APLF: variants seen among roughly 807,000 people sequenced by gnomAD.
APLF encodes aprataxin and PNKP like factor, also known as aprataxin and PNK-like factor.
In APLF, 61 loss-of-function variants were observed where a neutral mutation model predicts 55.6. The ratio of observed to expected loss-of-function variants is 1.10; its 90% CI spans 0.89 to 1.36. The LOEUF (loss-of-function observed/expected upper bound fraction) is 1.36. Ranked by LOEUF, APLF falls within the 40% of genes most tolerant of loss-of-function variation. The probability of loss-of-function intolerance (pLI) is 0.00; values close to 1 mark genes in which losing one functional copy is unlikely to be tolerated. For synonymous variants in APLF, 207 were observed against 214.8 expected (o/e 0.96, Z 0.32); for missense variants, 611 against 602.5 (o/e 1.01, Z -0.15).
chr2:68,482,585 G>T (rs1488941200), intron 1 of APLF, among the ~76,000 whole-genome samples: 1 of 152,174 alleles, frequency 6.6e-6, no homozygotes, highest in Non-Finnish European at 1.5e-5. Context: ...CTCAGGGACT[G>T]GCTCTCTGGG....
At chr2:68,497,149 T>C (rs74505729) in intron 2 of APLF, among the ~76,000 whole-genome samples, 3,901 of 152,220 alleles carry the variant, frequency 0.026, 64 homozygotes, top group South Asian at 0.043. Context: ...GCATGGTGCC[T>C]GCATCTGCTT....
intron 8 of APLF, chr2:68,563,503 T>A (rs1671219407): frequency 2.7e-6 from 1 of 374,604 alleles, no homozygotes; most frequent in Non-Finnish European, 3.7e-6. Flanking sequence ...AACTTTTAAG[T>A]TGAACCCCAC....
chr2:68,535,070 C>T (rs1280611807), intron 6 of APLF, among the ~76,000 whole-genome samples: 1 of 152,050 alleles, frequency 6.6e-6, no homozygotes, highest in Non-Finnish European at 1.5e-5. Context: ...ATTCGAGAAC[C>T]CCTGATCCAT....
At chr2:68,562,906 G>A (rs1400464498) in intron 8 of APLF, among the ~76,000 whole-genome samples, 1 of 151,978 alleles carries the variant, frequency 6.6e-6, no homozygotes, top group African/African-American at 2.4e-5. Context: ...GATTTTGTGT[G>A]TGATAAACTA....
In APLF at chr2:68,529,102, C is replaced by G. The variant is rs1180378463; in HGVS notation, c.804+2860C>G. The G allele has an allele frequency of 2.2e-6, 3 of 1,374,636 alleles. No individual in the cohort carries two copies. The highest frequency in any genetic ancestry group is 2.9e-5 in the African/African-American group (2 of 69,770). The allele number at this position is 1,374,636 out of a possible 1,614,324, so 85.2% of individuals were successfully genotyped here. A position where few individuals can be genotyped will look rare whatever the true frequency, so the allele number is the denominator to read the frequency against. On this transcript the variant is annotated intron_variant, in intron 6 of 9. Transcript: ENST00000303795. The surrounding 1 kb of genome is among the most constrained non-coding windows in gnomAD (Gnocchi z 4.4). Reference sequence around the variant, plus strand: ...ACTTGCCTCTGAGACGAGGGATCCTCACGGGGCTGAGGTATCCAAACATCC... The same window carrying G: ...ACTTGCCTCTGAGACGAGGGATCCTGACGGGGCTGAGGTATCCAAACATCC...
At chr2:68,505,186 G>A (rs12473160) in intron 3 of APLF, among the ~76,000 whole-genome samples, 43,514 of 151,868 alleles carry the variant, frequency 0.29, 7,168 homozygotes, top group East Asian at 0.58. Flanking sequence ...TATCATACAT[G>A]TATGAAGCGT....
At chr2:68,478,585 C>T (rs1314163680) in intron 1 of APLF, among the ~76,000 whole-genome samples, 3 of 152,134 alleles carry the variant, frequency 2.0e-5, no homozygotes, top group Non-Finnish European at 4.4e-5. Flanking sequence ...TTTAAAATGT[C>T]AAGGTAACAG....
intron 8 of APLF, among the ~76,000 whole-genome samples, chr2:68,547,577 G>A (rs1412850825): frequency 6.6e-6 from 1 of 151,628 alleles, no homozygotes; most frequent in Non-Finnish European, 1.5e-5. Context: ...TTATGAAAAG[G>A]GACGTTGCAG....
At chr2:68,533,962 C>T (rs1670324533) in intron 6 of APLF, among the ~76,000 whole-genome samples, 1 of 151,890 alleles carries the variant, frequency 6.6e-6, no homozygotes, top group Non-Finnish European at 1.5e-5. Context: ...TGGAAAAGAA[C>T]AAGATAAAAG....
At chr2:68,502,143 C>T (rs1676741100) in intron 2 of APLF, among the ~76,000 whole-genome samples, 1 of 152,150 alleles carries the variant, frequency 6.6e-6, no homozygotes, top group Non-Finnish European at 1.5e-5. Flanking sequence ...TTAATCCATT[C>T]ATGAGGACAT....
chr2:68,475,789 C>G (rs1280982145), intron 1 of APLF, among the ~76,000 whole-genome samples: 2 of 151,998 alleles, frequency 1.3e-5, no homozygotes, highest in Non-Finnish European at 2.9e-5. Flanking sequence ...GGAATGCATG[C>G]TGGACTTGGC....
chr2:68,523,853 T>C (rs1669962320), intron 5 of APLF, among the ~76,000 whole-genome samples: 1 of 151,968 alleles, frequency 6.6e-6, no homozygotes. Flanking sequence ...ATTCATTTTT[T>C]ATATACTCTT....
At chr2:68,576,225 A>G (rs1353709303) in intron 9 of APLF, among the ~76,000 whole-genome samples, 1 of 152,194 alleles carries the variant, frequency 6.6e-6, no homozygotes, top group East Asian at 1.9e-4. Context: ...CCAAGAGGAA[A>G]ATAGACAAAA....
At position 68,513,567 on chromosome 2, in the gene APLF, G is replaced by T; in HGVS notation, c.509G>T (p.Arg170Ile). The T allele has an allele frequency of 6.2e-7, 1 of 1,611,064 alleles. No individual in the cohort carries two copies. The highest frequency in any genetic ancestry group is 8.5e-7 in the Non-Finnish European group (1 of 1,178,114). The part of the protein sequence containing the change: ...TNSVSFLGEN[R>I]DCNKQQPILA... Reference sequence around the variant, plus strand: ...TTTTAGTCTTTCCTAGGTGAAAATAGAGACTGCAATAAGCAGCAGCCAATC... The same window carrying T: ...TTTTAGTCTTTCCTAGGTGAAAATATAGACTGCAATAAGCAGCAGCCAATC... The change falls in exon 5 of 10, where the codon AGA (arginine) becomes ATA (isoleucine). Residue 170 changes from arginine to isoleucine, a missense_variant. Physicochemically the swap from Arg to Ile is moderately conservative, Grantham distance 97. Coordinates refer to ENST00000303795, the MANE Select transcript of APLF (RefSeq NM_173545.3).
rs1275346654 is a variant in APLF, at chr2:68,529,545, G to A, written c.804+3303G>A. The A allele has an allele frequency of 1.9e-5, 16 of 833,520 alleles. 1 individual carries two copies. The South Asian group carries it at 6.4e-4, about 33-fold the overall frequency. 51.6% of individuals were successfully genotyped at this position (833,520 alleles called of 1,614,324 possible). A position where few individuals can be genotyped will look rare whatever the true frequency, so the allele number is the denominator to read the frequency against. On this transcript the variant is annotated intron_variant, in intron 6 of 9. Transcript: ENST00000303795. The surrounding 1 kb of genome is among the most constrained non-coding windows in gnomAD (Gnocchi z 4.4). ...TAAGTCACCCACTTCTCTGTGGCTG[G>A]GTGCACACTGGGCATCTGGGAGTTT...
intron 5 of APLF, 76 bp from the exon 6 acceptor site, chr2:68,525,985 T>C: frequency 7.1e-7 from 1 of 1,405,480 alleles, no homozygotes; most frequent in East Asian, 2.4e-5. Flanking sequence ...CTTTTTCTTT[T>C]TTCTTTTTTT....
At chr2:68,504,211 A>G (rs1379768183) in intron 3 of APLF, among the ~76,000 whole-genome samples, 1 of 152,036 alleles carries the variant, frequency 6.6e-6, no homozygotes, top group African/African-American at 2.4e-5. Flanking sequence ...GATCTTCACT[A>G]ATGAATTCTA....
intron 3 of APLF, among the ~76,000 whole-genome samples, chr2:68,512,415 G>A (rs142257313): frequency 5.9e-4 from 89 of 151,846 alleles, no homozygotes; most frequent in Admixed American, 1.1e-3. Context: ...TTCATCTATA[G>A]TTTCAAATTT....
intron 1 of APLF, among the ~76,000 whole-genome samples, chr2:68,468,760 G>T (rs1675515454): frequency 6.6e-6 from 1 of 152,120 alleles, no homozygotes; most frequent in South Asian, 2.1e-4. Context: ...GCACTGTGGG[G>T]CATACAAAGA....
Sources: allele counts gnomAD v4.1 joint callset (sites outside exome capture counted in the v4.1 genomes callset), GRCh38; gene constraint gnomAD v4.1.1; non-coding constraint Gnocchi (gnomAD v3.1); transcripts MANE v1.5; gene names NCBI Gene and HGNC (gene_info 2026-07-23, HGNC 2026-07-21).